Variants in JAK3 observed in about 807,000 individuals in gnomAD.
The protein encoded by JAK3 is Janus kinase 3, also known as tyrosine-protein kinase JAK3.
In JAK3, 88 loss-of-function variants were observed where a neutral mutation model predicts 120.8. The observed-to-expected ratio is 0.73, with a 90% CI of 0.61 to 0.87. The LOEUF is 0.87. JAK3 is among the 40% of genes least tolerant of loss of function. The pLI, the probability that JAK3 is intolerant of heterozygous loss-of-function variation, is 0.00. For missense variants in JAK3, 1,254 were observed against 1,501.4 expected, an observed-to-expected ratio of 0.84 and a Z score of 2.72; for synonymous variants, 592 against 628.6, an observed-to-expected ratio of 0.94 and a Z score of 0.87.
At chr19:17,829,809 G>C (rs2094210460) in intron 23 of JAK3, 8 of 519,904 alleles carry the variant, frequency 1.5e-5, no homozygotes, top group Middle Eastern at 5.1e-4. Flanking sequence ...CATTTATGGA[G>C]CATCGACTGT....
rs1190384111 is a variant in JAK3 at position 17,837,037 on chromosome 19, G to C, written c.1786+92C>G. ...TCCAGGGTGGCCCAGTGTGTTGCTGGGGCTGTCATATAGCGGCTCAGAACA... is the reference window on the plus strand; with the variant it reads ...TCCAGGGTGGCCCAGTGTGTTGCTGCGGCTGTCATATAGCGGCTCAGAACA... On this transcript the variant is annotated intron_variant, in intron 13 of 23. Transcript: ENST00000458235. 4 of 839,526 alleles carry C rather than the reference G, an allele frequency of 4.8e-6. No individual in the cohort carries two copies. The South Asian group carries it at 5.7e-5, about 12-fold the overall frequency. The allele number at this position is 839,526 out of a possible 1,614,324, so 52.0% of individuals were successfully genotyped here. A position where few individuals can be genotyped will look rare whatever the true frequency, so the allele number is the denominator to read the frequency against.
Position 17,841,598 on chromosome 19 carries a change from C to G in JAK3, c.984+42G>C, listed in dbSNP as rs1416859745. On this transcript the variant is annotated intron_variant, in intron 7 of 23. Transcript: ENST00000458235. The surrounding 1 kb of genome is among the most constrained non-coding windows in gnomAD (Gnocchi z 4.1). ...GTGAAACCCGAGGGTGCCGGTCCCG[C>G]CCTCGGGGTAAGGCTGAAGGGGAGG... The G allele has an allele frequency of 2.5e-6, 4 of 1,612,098 alleles. No homozygotes were observed. The highest frequency in any genetic ancestry group is 3.4e-5 in the Admixed American group (2 of 59,670).
chr19:17,827,422 A>G (rs2094205876), intron 23 of JAK3, among the ~76,000 whole-genome samples: 1 of 151,434 alleles, frequency 6.6e-6, no homozygotes, highest in African/African-American at 2.4e-5. Context: ...ATCTCGGCTC[A>G]CTGCAAACCC....
chr19:17,830,317 C>A, intron 22 of JAK3, 99 bp from the exon 23 acceptor site: 1 of 908,414 alleles, frequency 1.1e-6, no homozygotes. Flanking sequence ...TGTGATGGAG[C>A]GGGGAGGGGC....
At position 17,841,908 on chromosome 19, in the gene JAK3, A is replaced by G. The variant is rs1366255882; in HGVS notation, c.862-146T>C. 4 of 981,542 alleles carry G rather than the reference A, an allele frequency of 4.1e-6. No homozygotes were observed. Among genetic ancestry groups the G allele is most frequent in the Admixed American group, 2.2e-5 (1 of 44,510 alleles). 60.8% of individuals were successfully genotyped at this position (981,542 alleles called of 1,614,324 possible). A position where few individuals can be genotyped will look rare whatever the true frequency, so the allele number is the denominator to read the frequency against. ...GCCGCGCCCCCTCCTATCAACTCCA[A>G]CCTCTCAACACCTCCCCTACCCATC... On this transcript the variant is annotated intron_variant, in intron 6 of 23. Transcript: ENST00000458235. The surrounding 1 kb of genome is among the most constrained non-coding windows in gnomAD (Gnocchi z 4.1).
At position 17,844,909 on chromosome 19, in the gene JAK3, T is replaced by C. The variant is rs2094248776; in HGVS notation, c.-13-479A>G. On this transcript the variant is annotated intron_variant, in intron 1 of 23. Coordinates refer to ENST00000458235, the MANE Select transcript of JAK3 (RefSeq NM_000215.4). ...CCAGCCCCCAACACCTCCCACCCGC[T>C]CGCTCACTTGCCCTGAGAAACCTCA... 2.0e-5 allele frequency among the ~76,000 whole-genome samples: 3 copies of C among 151,698 alleles called. 1 individual carries two copies. The South Asian group carries it at 6.2e-4, about 32-fold the overall frequency.
Position 17,829,994 on chromosome 19 carries a change from G to T in JAK3, c.3207+114C>A, listed in dbSNP as rs1336941265. ...CAAGTGGGGGCCAGGATCCTCATCG[G>T]CCTCACACTCTAGCCTTTCTTCTCA... On this transcript the variant is annotated intron_variant, in intron 23 of 23. Transcript: ENST00000458235. 21 of 789,102 alleles carry T rather than the reference G, an allele frequency of 2.7e-5. No individual in the cohort carries two copies. In the South Asian group the frequency reaches 2.9e-4, roughly 11 times the overall value. 48.9% of individuals were successfully genotyped at this position (789,102 alleles called of 1,614,324 possible). A position where few individuals can be genotyped will look rare whatever the true frequency, so the allele number is the denominator to read the frequency against.
At position 17,842,647 on chromosome 19, in the gene JAK3, G is replaced by T; in HGVS notation, c.567-37C>A. 6.6e-7 allele frequency: 1 copy of T among 1,511,238 alleles called. No individual in the cohort carries two copies. The allele number at this position is 1,511,238 out of a possible 1,614,324, so 93.6% of individuals were successfully genotyped here. ...GGAGGGGAGGGAGCCGGCCCTCAGC[G>T]TCGGGAGGGGTCCCCGCGGGGACAC... On this transcript the variant is annotated intron_variant, in intron 5 of 23. Coordinates refer to ENST00000458235, the MANE Select transcript of JAK3 (RefSeq NM_000215.4). This position sits in a 1 kb window ranked among gnomAD's most constrained non-coding sequence, Gnocchi z 6.4.
In JAK3 at chr19:17,835,971, A is replaced by C; in HGVS notation, c.1867T>G (p.Trp623Gly). Residue 623 changes from tryptophan to glycine, a missense_variant, in exon 14 of 24, where the codon TGG becomes GGG. Trp to Gly is a radical substitution (Grantham distance 184). Transcript: ENST00000458235. ...RKRGHLVPAS[W>G]KLQVVKQLAY... Reference sequence around the variant, plus strand: ...AGCTGTTTGACCACCTGCAGCTTCCAGCTGGCTGGCACCAGGTGGCCACGT... The same window carrying C: ...AGCTGTTTGACCACCTGCAGCTTCCCGCTGGCTGGCACCAGGTGGCCACGT... 6.2e-7 allele frequency: 1 copy of C among 1,614,162 alleles called. No homozygotes were observed. Among genetic ancestry groups the C allele is most frequent in the Admixed American group, 1.7e-5 (1 of 60,024 alleles).
chr19:17,830,526 C>T lies in JAK3; in HGVS notation c.3073G>A (p.Asp1025Asn), dbSNP rs2147674530. 1 of 1,613,420 alleles carries T rather than the reference C, an allele frequency of 6.2e-7. No homozygotes were observed. The highest frequency in any genetic ancestry group is 8.5e-7 in the Non-Finnish European group (1 of 1,179,674). ...VVLYELFTYC[D>N]KSCSPSAEFL... ...ACGGCCGAGGGGCTGCAGCTTTTGT[C>T]GCAGTAGGTGAAGAGCTCGTACAGG... Residue 1025 changes from aspartate to asparagine, a missense_variant, in exon 22 of 24, where the codon GAC becomes AAC. Physicochemically the swap from Asp to Asn is conservative, Grantham distance 23 (BLOSUM62 1). Around this residue, in one of 3 missense-constraint regions of JAK3, gnomAD observed 630 missense variants for 819.8 expected, o/e 0.77. Transcript: ENST00000458235.
intron 1 of JAK3, 96 bp from the exon 2 acceptor site, chr19:17,844,526 C>T (rs1311108286): frequency 2.0e-5 from 23 of 1,133,828 alleles, no homozygotes; most frequent in African/African-American, 9.4e-5. Flanking sequence ...AGGCCGGGTG[C>T]GGTGGCTTAT....
At chr19:17,835,042 G>A in intron 15 of JAK3, 39 bp from the exon 16 acceptor site, 1 of 1,614,096 alleles carries the variant, frequency 6.2e-7, no homozygotes. Context: ...CCACTTCCTT[G>A]CCCTGCTCAG....
In JAK3 at chr19:17,843,016, G is replaced by T; in HGVS notation, c.566+11C>A. On this transcript the variant is annotated intron_variant, in intron 5 of 23. Coordinates refer to ENST00000458235, the MANE Select transcript of JAK3 (RefSeq NM_000215.4). This position sits in a 1 kb window ranked among gnomAD's most constrained non-coding sequence, Gnocchi z 5.4. ...AAGCAGAGGCCGTCCCCACAGCCTG[G>T]TGGCTCTCACCTGACAGTCTTCAGC... The T allele has an allele frequency of 1.2e-6, 2 of 1,609,536 alleles. No individual in the cohort carries two copies.
In JAK3 at chr19:17,840,308, C is replaced by T. The variant is rs746885227; in HGVS notation, c.1176G>A (p.Gly392=). 2.5e-6 allele frequency: 4 copies of T among 1,613,846 alleles called. No individual in the cohort carries two copies. Among genetic ancestry groups the T allele is most frequent in the Non-Finnish European group, 2.5e-6 (3 of 1,179,970 alleles). ...GAACATAGGAGCCAGGACGTGAGCC[C>T]CCAGTCTTGAGCTTGTTGATGGCAA... ...LDFAINKLKT[G]GSRPGSYVLR... is the part of the protein sequence containing the mutation. The change falls in exon 9 of 24, where the codon GGG becomes GGA. Residue 392 remains glycine, a synonymous_variant. Transcript: ENST00000458235.
chr19:17,843,877 G>A lies in JAK3; in HGVS notation c.208C>T (p.Leu70Phe). The change falls in exon 3 of 24, where the codon CTC becomes TTC. Residue 70 changes from leucine (L) to phenylalanine (F), a missense_variant. This residue lies in a region of JAK3 where 138 missense variants were observed against 178.7 expected (regional missense o/e 0.77). Coordinates refer to ENST00000458235, the MANE Select transcript of JAK3 (RefSeq NM_000215.4). This position sits in a 1 kb window ranked among gnomAD's most constrained non-coding sequence, Gnocchi z 5.4. Reference sequence around the variant, plus strand: ...AGGTCCTCCGTGGCCAGAGCAAAGAGGGAGTGGTACACAGGCAGGATGCCT... The same window carrying A: ...AGGTCCTCCGTGGCCAGAGCAAAGAAGGAGTGGTACACAGGCAGGATGCCT... ...ASGILPVYHS[L>F]FALATEDLSC... is the part of the protein sequence containing the mutation. 2 of 1,613,694 alleles carry A rather than the reference G, an allele frequency of 1.2e-6. No homozygotes were observed. Among genetic ancestry groups the A allele is most frequent in the South Asian group, 1.1e-5 (1 of 91,080 alleles).
In JAK3 at chr19:17,842,220, C is replaced by T. The variant is rs917464686; in HGVS notation, c.861+96G>A. ...GCCTCGCCCACTTCCCCAAGTCTTT[C>T]GTTTTGGCTCCGCCCCACATCCCCT... is the stretch of plus-strand genomic sequence containing the variant. On this transcript the variant is annotated intron_variant, in intron 6 of 23. Coordinates refer to ENST00000458235, the MANE Select transcript of JAK3 (RefSeq NM_000215.4). This position sits in a 1 kb window ranked among gnomAD's most constrained non-coding sequence, Gnocchi z 6.4. 12 of 1,312,484 alleles carry T rather than the reference C, an allele frequency of 9.1e-6. No individual in the cohort carries two copies. The highest frequency in any genetic ancestry group is 2.9e-5 in the Admixed American group (1 of 34,980). The allele number at this position is 1,312,484 out of a possible 1,614,324, so 81.3% of individuals were successfully genotyped here.
chr19:17,840,816 A>ATTGTTTGT (rs368885044), intron 8 of JAK3, among the ~76,000 whole-genome samples: 31 of 150,514 alleles, frequency 2.1e-4, no homozygotes, highest in African/African-American at 6.6e-4. Context: ...CTTCTGGGAG[A>ATTGTTTGT]TTGTTTGTTT....
chr19:17,836,505 C>T (rs955539726), intron 13 of JAK3, among the ~76,000 whole-genome samples: 1 of 152,200 alleles, frequency 6.6e-6, no homozygotes, highest in African/African-American at 2.4e-5. Flanking sequence ...TGGTCTTGAA[C>T]TCCTGATCTC....
Position 17,841,397 on chromosome 19 carries a change from G to T in JAK3, c.1134C>A (p.Gly378=). Residue 378 remains glycine (G), a synonymous_variant, in exon 8 of 24, where the codon GGC becomes GGA. Transcript: ENST00000458235. This position sits in a 1 kb window ranked among gnomAD's most constrained non-coding sequence, Gnocchi z 4.1. ...LLEEVAEQCH[G]PITLDFAINK... ...GGGGGACAGGTCCTTACGTGATGGG[G>T]CCGTGGCACTGCTCGGCCACTTCCT... 1 of 1,550,272 alleles carries T rather than the reference G, an allele frequency of 6.5e-7. No individual in the cohort carries two copies. Among genetic ancestry groups the T allele is most frequent in the Non-Finnish European group, 8.7e-7 (1 of 1,148,306 alleles).
Sources: gnomAD v4.1 joint callset for allele counts (sites outside exome capture counted in the v4.1 genomes callset) on GRCh38, gnomAD v4.1.1 for gene constraint, gnomAD v4.1.1 regional missense constraint, Gnocchi (gnomAD v3.1) non-coding constraint, MANE v1.5 for transcripts, NCBI Gene and HGNC (gene_info 2026-07-23, HGNC 2026-07-21) for gene names.